The following HNF4A variants were observed in gnomAD, a reference collection of about 807,000 sequenced individuals.
HNF4A encodes the protein hepatocyte nuclear factor 4 alpha.
HNF4A carries 15 observed loss-of-function variants against 52.4 expected under a neutral mutation model. The observed-to-expected ratio is 0.29, with a 90% CI of 0.19 to 0.44. The LOEUF (loss-of-function observed/expected upper bound fraction) is 0.44. Ranked by LOEUF, HNF4A falls within the 20% of genes least tolerant of loss-of-function variation. The probability of loss-of-function intolerance (pLI) is 1.00; values close to 1 mark genes in which losing one functional copy is unlikely to be tolerated. For synonymous variants in HNF4A, 280 were observed against 264.4 expected (o/e 1.06, Z -0.57); for missense variants, 479 against 647.2 (o/e 0.74, Z 2.82).
At chr20:44,366,801 A>C (rs1456629857) in intron 1 of HNF4A, among the ~76,000 whole-genome samples, 1 of 152,226 alleles carries the variant, frequency 6.6e-6, no homozygotes, top group African/African-American at 2.4e-5. Flanking sequence ...ATTAAGGTAT[A>C]TCTTCAAAAG....
chr20:44,422,535 T>C (rs930001294), intron 7 of HNF4A, among the ~76,000 whole-genome samples: 3 of 152,098 alleles, frequency 2.0e-5, no homozygotes, highest in Admixed American at 2.0e-4. Context: ...TCCATGAAGG[T>C]TGAGATTAAA....
intron 1 of HNF4A, chr20:44,378,033 G>T (rs1055191853): frequency 2.0e-5 from 3 of 152,156 alleles, no homozygotes; most frequent in African/African-American, 7.2e-5. Context: ...AGTTTTGGTT[G>T]CTCTACAACC....
At chr20:44,378,809 C>T (rs898940112) in intron 1 of HNF4A, among the ~76,000 whole-genome samples, 1 of 151,486 alleles carries the variant, frequency 6.6e-6, no homozygotes, top group Non-Finnish European at 1.5e-5. Flanking sequence ...ATCCCAGGTA[C>T]TCAGGAGGCT....
intron 8 of HNF4A, among the ~76,000 whole-genome samples, chr20:44,426,297 C>T (rs1046078865): frequency 2.4e-4 from 37 of 152,058 alleles, no homozygotes; most frequent in Admixed American, 2.6e-4. Context: ...CAGCTGGAGG[C>T]TCTTGGCAAT....
At chr20:44,390,887 C>A (rs1485593775) in intron 1 of HNF4A, among the ~76,000 whole-genome samples, 2 of 152,082 alleles carry the variant, frequency 1.3e-5, no homozygotes, top group Admixed American at 6.6e-5. Flanking sequence ...GTGAGAGGAG[C>A]CCCGTAGAGT....
Position 44,432,028 on chromosome 20 carries a change from C to T in HNF4A, c.*2363C>T, listed in dbSNP as rs903017183. 6.6e-6 allele frequency: 1 copy of T among 152,226 alleles called. No individual in the cohort carries two copies. The highest frequency in any genetic ancestry group is 2.4e-5 in the African/African-American group (1 of 41,446). 9.4% of individuals were successfully genotyped at this position (152,226 alleles called of 1,614,324 possible). ...CGGCTCAGCCTGGTCTGCGGTAAGG[C>T]AGGGAGGCTGGAACCATTTCTGGGC... On this transcript the variant is annotated 3_prime_UTR_variant, in exon 10 of 10. Transcript: ENST00000316099.
chr20:44,358,181 T>TGTGAGTCAA (rs1298547277), intron 1 of HNF4A, among the ~76,000 whole-genome samples: 10 of 148,256 alleles, frequency 6.7e-5, no homozygotes, highest in African/African-American at 2.5e-4. Context: ...GTCAAATCAT[T>TGTGAGTCAA]ACCCCTCTCT....
At chr20:44,374,482 G>A (rs36112520) in intron 1 of HNF4A, among the ~76,000 whole-genome samples, 21,966 of 152,002 alleles carry the variant, frequency 0.14, 2,415 homozygotes, top group East Asian at 0.41. Flanking sequence ...TGTTTTGTTT[G>A]AGATGGAGTC....
At chr20:44,396,173 C>G (rs563314031) in intron 1 of HNF4A, among the ~76,000 whole-genome samples, 1 of 152,142 alleles carries the variant, frequency 6.6e-6, no homozygotes, top group Admixed American at 6.5e-5. Flanking sequence ...CCCTCCCTTA[C>G]GAGCTGTGTG....
chr20:44,387,659 G>GGA (rs1555810295), intron 1 of HNF4A, among the ~76,000 whole-genome samples: 1 of 90,576 alleles, frequency 1.1e-5, no homozygotes, highest in African/African-American at 3.7e-5. Flanking sequence ...GGCAGGCGGG[G>GGA]GGGGGGGGAG....
At chr20:44,414,398 T>C in intron 4 of HNF4A, 109 bp from the exon 5 acceptor site, 1 of 1,512,276 alleles carries the variant, frequency 6.6e-7, no homozygotes, top group Non-Finnish European at 9.2e-7. Flanking sequence ...GCACCCACTA[T>C]CCAGCCCCCT....
intron 1 of HNF4A, among the ~76,000 whole-genome samples, chr20:44,391,027 C>T (rs1359167323): frequency 2.0e-5 from 3 of 152,146 alleles, no homozygotes; most frequent in Non-Finnish European, 4.4e-5. Context: ...TGAAGCAGGT[C>T]AAGAATCCAG....
In HNF4A at chr20:44,419,773, G is replaced by C. The variant is rs372639360; in HGVS notation, c.789G>C (p.Arg263=). The C allele has an allele frequency of 9.9e-6, 16 of 1,614,068 alleles. No homozygotes were observed. Among genetic ancestry groups the C allele is most frequent in the African/African-American group, 1.3e-5 (1 of 74,936 alleles). ...GCCCGGAGCTGGCGGAGATGAGCCG[G>C]GTGTCCATACGCATCCTTGACGAGC... is the stretch of plus-strand genomic sequence containing the variant. Residue 263 remains arginine, a synonymous_variant, in exon 7 of 10, where the codon CGG becomes CGC. Coordinates refer to ENST00000316099, the MANE Select transcript of HNF4A (RefSeq NM_000457.6).
At chr20:44,395,599 C>T (rs936172444) in intron 1 of HNF4A, 1 of 152,248 alleles carries the variant, frequency 6.6e-6, no homozygotes, top group African/African-American at 2.4e-5. Context: ...GACCCCCTGT[C>T]CCTGGACCTT....
intron 1 of HNF4A, among the ~76,000 whole-genome samples, chr20:44,404,682 ATG>A (rs1199545184): frequency 3.2e-5 from 4 of 123,246 alleles, no homozygotes; most frequent in Admixed American, 8.2e-5. Context: ...GACTGTGTGT[ATG>A]TGTGTGCATG....
chr20:44,420,986 T>C (rs2063736607), intron 7 of HNF4A, among the ~76,000 whole-genome samples: 1 of 152,196 alleles, frequency 6.6e-6, no homozygotes, highest in African/African-American at 2.4e-5. Flanking sequence ...AGACAAAGCC[T>C]TATATTTGTT....
At chr20:44,406,635 AG>A in intron 2 of HNF4A, among the ~76,000 whole-genome samples, 1 of 152,238 alleles carries the variant, frequency 6.6e-6, no homozygotes, top group East Asian at 1.9e-4. Flanking sequence ...CACCTACCCC[AG>A]GGGCTTCCAC....
Position 44,429,498 on chromosome 20 carries a change from CCTGT to C in HNF4A, c.1283-16_1283-13del, listed in dbSNP as rs750688218. 3.1e-6 allele frequency: 5 copies of C among 1,613,974 alleles called. No individual in the cohort carries two copies. The African/African-American group carries it at 4.0e-5, about 13-fold the overall frequency. ...ACAAAGGCTGGAATTTTGAGCAGCC[CCTGT>C]CTGTCTGTTTGTCCTTCCAGCCACC... On this transcript the variant is annotated intron_variant, in intron 9 of 9. Coordinates refer to ENST00000316099, the MANE Select transcript of HNF4A (RefSeq NM_000457.6).
At chr20:44,361,699 A>C (rs549907595) in intron 1 of HNF4A, among the ~76,000 whole-genome samples, 2 of 150,772 alleles carry the variant, frequency 1.3e-5, no homozygotes, top group African/African-American at 2.5e-5. Context: ...AAAACAAAAC[A>C]AAACCAAAAA....
Sources: gnomAD v4.1 joint callset for allele counts (sites outside exome capture counted in the v4.1 genomes callset) on GRCh38, gnomAD v4.1.1 for gene constraint, MANE v1.5 for transcripts, NCBI Gene and HGNC (gene_info 2026-07-23, HGNC 2026-07-21) for gene names.